NRG3: variants seen among roughly 807,000 people sequenced by gnomAD.
The protein encoded by NRG3 is pro-neuregulin-3, membrane-bound isoform.
NRG3 carries 31 observed loss-of-function variants against 66.9 expected under a neutral mutation model. The observed-to-expected ratio is 0.46, with a 90% CI of 0.35 to 0.63. The LOEUF (loss-of-function observed/expected upper bound fraction) is 0.63. NRG3 is among the 20% of genes least tolerant of loss of function. The pLI is 0.00. For synonymous variants in NRG3, 393 were observed against 359.4 expected (o/e 1.09, Z -1.06); for missense variants, 910 against 878.9 (o/e 1.04, Z -0.45).
chr10:82,271,016 T>A (rs2134312763), intron 1 of NRG3, among the ~76,000 whole-genome samples: 1 of 152,076 alleles, frequency 6.6e-6, no homozygotes, highest in South Asian at 2.1e-4. Flanking sequence ...AGCCAGAAAA[T>A]CATAATAGGC....
intron 1 of NRG3, among the ~76,000 whole-genome samples, chr10:81,944,009 A>T (rs1430495394): frequency 6.6e-6 from 1 of 152,196 alleles, no homozygotes. Flanking sequence ...GTTATGCTCC[A>T]GTACTGAGAG....
intron 1 of NRG3, among the ~76,000 whole-genome samples, chr10:82,349,347 G>T (rs1351134350): frequency 3.3e-5 from 5 of 151,848 alleles, no homozygotes; most frequent in African/African-American, 1.2e-4. Context: ...GTGTGCCCCT[G>T]CTGGGGGGTG....
rs5786567 is a variant in NRG3 at position 82,720,810 on chromosome 10, C to CATATATATATATATATATATATATAT, written c.954-17760_954-17735dup. Among the ~76,000 whole-genome samples the CATATATATATATATATATATATATAT allele has an allele frequency of 5.1e-4, 58 of 114,698 alleles. 1 individual carries two copies. The highest frequency in any genetic ancestry group is 1.4e-3 in the East Asian group (6 of 4,160). 75.2% of individuals were successfully genotyped at this position (114,698 alleles called of 152,430 possible). A position where few individuals can be genotyped will look rare whatever the true frequency, so the allele number is the denominator to read the frequency against. On this transcript the variant is annotated intron_variant, in intron 2 of 8. Coordinates refer to ENST00000372141, the MANE Select transcript of NRG3 (RefSeq NM_001010848.4). ...AACACATATATAGGAGTATTTTATA[C>CATATATATATATATATATATATATAT]ATATATATATATATATATATATATA... is the stretch of plus-strand genomic sequence containing the variant.
At chr10:82,939,691 C>G (rs1243711934) in intron 4 of NRG3, among the ~76,000 whole-genome samples, 1 of 151,872 alleles carries the variant, frequency 6.6e-6, no homozygotes, top group East Asian at 1.9e-4. Context: ...GGATGGTCTC[C>G]ATCTCCTGAC....
intron 1 of NRG3, among the ~76,000 whole-genome samples, chr10:82,232,026 A>C: frequency 6.6e-6 from 1 of 152,206 alleles, no homozygotes; most frequent in East Asian, 1.9e-4. Flanking sequence ...ACTAAGAGCA[A>C]GTATTATAAA....
chr10:82,796,977 A>C (rs757414155), intron 3 of NRG3, among the ~76,000 whole-genome samples: 2 of 152,172 alleles, frequency 1.3e-5, no homozygotes, highest in Non-Finnish European at 2.9e-5. Flanking sequence ...TAGCTAAAAT[A>C]AGAAGCTATG....
chr10:81,893,678 C>G (rs1242875476), intron 1 of NRG3, among the ~76,000 whole-genome samples: 1 of 152,224 alleles, frequency 6.6e-6, no homozygotes, highest in South Asian at 2.1e-4. Context: ...TGGTTTTTAT[C>G]TTGCATTTCT....
intron 1 of NRG3, among the ~76,000 whole-genome samples, chr10:81,931,017 C>G (rs1361357153): frequency 2.0e-5 from 3 of 152,160 alleles, no homozygotes; most frequent in Non-Finnish European, 4.4e-5. Flanking sequence ...TCTATAGTCC[C>G]TGGAGACCCT....
intron 1 of NRG3, among the ~76,000 whole-genome samples, chr10:82,022,537 T>C (rs1465973440): frequency 1.3e-5 from 2 of 152,144 alleles, no homozygotes; most frequent in Admixed American, 1.3e-4. Flanking sequence ...ATGCTATAGC[T>C]TAGTATTTGT....
At chr10:82,860,695 T>A (rs898473609) in intron 3 of NRG3, among the ~76,000 whole-genome samples, 1 of 152,208 alleles carries the variant, frequency 6.6e-6, no homozygotes, top group Admixed American at 6.5e-5. Flanking sequence ...ATGCTAATTT[T>A]ACAAATAAAA....
At chr10:82,864,558 GA>G (rs1486690944) in intron 3 of NRG3, among the ~76,000 whole-genome samples, 1 of 152,096 alleles carries the variant, frequency 6.6e-6, no homozygotes, top group Non-Finnish European at 1.5e-5. Flanking sequence ...TTAATGCAAT[GA>G]ATTTTAAAAG....
chr10:82,566,132 C>A (rs553059280), intron 2 of NRG3, among the ~76,000 whole-genome samples: 1 of 152,104 alleles, frequency 6.6e-6, no homozygotes, highest in East Asian at 1.9e-4. Context: ...ATAAGCCCTC[C>A]GTGAATGTTA....
intron 2 of NRG3, among the ~76,000 whole-genome samples, chr10:82,650,458 G>A (rs2051325826): frequency 6.6e-6 from 1 of 152,100 alleles, no homozygotes; most frequent in Non-Finnish European, 1.5e-5. Context: ...AATGTTGTTT[G>A]ACCTCTGCTA....
At chr10:81,949,568 G>C (rs1449712623) in intron 1 of NRG3, among the ~76,000 whole-genome samples, 1 of 152,096 alleles carries the variant, frequency 6.6e-6, no homozygotes, top group African/African-American at 2.4e-5. Context: ...GTTTCAGAAG[G>C]CTAGTTGTAT....
chr10:82,349,472 G>C (rs552217886), intron 1 of NRG3, among the ~76,000 whole-genome samples: 10 of 151,528 alleles, frequency 6.6e-5, no homozygotes, highest in Non-Finnish European at 1.5e-4. Flanking sequence ...CTTCAAAGCT[G>C]TCAGACAGGG....
intron 5 of NRG3, among the ~76,000 whole-genome samples, chr10:82,956,909 G>C (rs2132419490): frequency 6.6e-6 from 1 of 152,088 alleles, no homozygotes; most frequent in East Asian, 1.9e-4. Flanking sequence ...AACTAAGAGT[G>C]CTAGAGATAA....
chr10:82,761,817 A>G (rs2059313686), intron 3 of NRG3, among the ~76,000 whole-genome samples: 1 of 151,804 alleles, frequency 6.6e-6, no homozygotes, highest in African/African-American at 2.4e-5. Context: ...TTAAAATTAT[A>G]AAACATATAT....
intron 2 of NRG3, among the ~76,000 whole-genome samples, chr10:82,738,291 A>G (rs1336473189): frequency 6.6e-6 from 1 of 152,202 alleles, no homozygotes; most frequent in African/African-American, 2.4e-5. Context: ...TTTAAGAACC[A>G]TTATTTAGAT....
Position 82,046,972 on chromosome 10 carries a change from A to G in NRG3, c.823+170809A>G, listed in dbSNP as rs188984115. 4.5e-3 allele frequency among the ~76,000 whole-genome samples: 670 copies of G among 148,554 alleles called. 9 individuals are homozygous for G. Among genetic ancestry groups the G allele is most frequent in the African/African-American group, 0.016 (643 of 40,962 alleles). ...GATGTGCTGCTGGATTCGGTTTGTC[A>G]GTATTTTACTGAGGATTTTTGCATC... On this transcript the variant is annotated intron_variant, in intron 1 of 8. Transcript: ENST00000372141.
Sources: allele counts gnomAD v4.1 joint callset (sites outside exome capture counted in the v4.1 genomes callset), GRCh38; gene constraint gnomAD v4.1.1; transcripts MANE v1.5; gene names NCBI Gene and HGNC (gene_info 2026-07-23, HGNC 2026-07-21).